Variants in TEK observed in about 807,000 individuals in gnomAD.
TEK encodes angiopoietin-1 receptor.
Under a neutral mutation model 131.8 loss-of-function variants are expected in TEK, and 43 were observed. That is an observed-to-expected ratio of 0.33 (90% confidence interval 0.26 to 0.42). The LOEUF is 0.42. Ranked by LOEUF, TEK falls within the 10% of genes least tolerant of loss-of-function variation. The pLI, the probability that TEK is intolerant of heterozygous loss-of-function variation, is 1.00. For synonymous variants in TEK, 580 were observed against 491.6 expected (o/e 1.18, Z -2.38); for missense variants, 1,162 against 1,384.4 (o/e 0.84, Z 2.55).
At chr9:27,116,711 C>G (rs542693861) in intron 1 of TEK, among the ~76,000 whole-genome samples, 9 of 152,058 alleles carry the variant, frequency 5.9e-5, no homozygotes, top group Non-Finnish European at 1.3e-4. Flanking sequence ...GGCTATATTT[C>G]AAGATTGAAA....
intron 14 of TEK, 24 bp from the exon 15 acceptor site, chr9:27,206,558 A>G (rs1225239743): frequency 6.2e-7 from 1 of 1,606,378 alleles, no homozygotes; most frequent in Admixed American, 1.7e-5. Flanking sequence ...CTGACACAAA[A>G]TGATGAAATA....
intron 21 of TEK, among the ~76,000 whole-genome samples, chr9:27,226,235 A>G (rs187365765): frequency 8.5e-5 from 13 of 152,350 alleles, no homozygotes; most frequent in African/African-American, 3.1e-4. Flanking sequence ...TACTGGGAAT[A>G]TACCCACAGG....
intron 21 of TEK, among the ~76,000 whole-genome samples, chr9:27,223,574 A>C (rs1826179398): frequency 6.6e-6 from 1 of 152,234 alleles, no homozygotes; most frequent in African/African-American, 2.4e-5. Context: ...ACCAGTGAGA[A>C]CAAAGACACA....
intron 19 of TEK, 98 bp downstream of exon 19, chr9:27,217,856 C>T (rs975937313): frequency 9.8e-7 from 1 of 1,016,868 alleles, no homozygotes; most frequent in Non-Finnish European, 1.5e-6. Context: ...TCCTGTAGCT[C>T]TCGGGAACAA....
chr9:27,121,887 G>A (rs1361808617), intron 1 of TEK, among the ~76,000 whole-genome samples: 1 of 152,108 alleles, frequency 6.6e-6, no homozygotes, highest in Non-Finnish European at 1.5e-5. Flanking sequence ...AAGCATTTTG[G>A]GCGTGTAATT....
At chr9:27,138,177 C>G (rs747609207) in intron 1 of TEK, among the ~76,000 whole-genome samples, 1 of 152,218 alleles carries the variant, frequency 6.6e-6, no homozygotes, top group Non-Finnish European at 1.5e-5. Context: ...TGAGCAGCAG[C>G]AAGATTTATT....
intron 1 of TEK, among the ~76,000 whole-genome samples, chr9:27,153,276 G>T (rs954203131): frequency 1.3e-5 from 2 of 150,418 alleles, no homozygotes; most frequent in Non-Finnish European, 3.0e-5. Context: ...GTGAAACCCC[G>T]CCTCTACTAA....
chr9:27,112,280 G>C (rs553376513), intron 1 of TEK, among the ~76,000 whole-genome samples: 18 of 152,302 alleles, frequency 1.2e-4, no homozygotes, highest in Non-Finnish European at 2.4e-4. Flanking sequence ...ACAGTTGTAA[G>C]GTCAGGGAAG....
At chr9:27,213,851 T>G (rs76437405) in intron 18 of TEK, among the ~76,000 whole-genome samples, 2,073 of 152,356 alleles carry the variant, frequency 0.014, 37 homozygotes, top group African/African-American at 0.047. Context: ...CCTAGTGGTT[T>G]GGGGTCTTGG....
chr9:27,167,885 T>A (rs1823793162), intron 2 of TEK, among the ~76,000 whole-genome samples: 1 of 151,726 alleles, frequency 6.6e-6, no homozygotes, highest in Admixed American at 6.6e-5. Context: ...ACTTTAAGAA[T>A]ACTTGGGATT....
At chr9:27,221,271 C>G (rs1435918737) in intron 21 of TEK, among the ~76,000 whole-genome samples, 1 of 152,212 alleles carries the variant, frequency 6.6e-6, no homozygotes, top group Non-Finnish European at 1.5e-5. Flanking sequence ...ACAGCCACAG[C>G]CAGGGGCTTA....
At chr9:27,203,826 A>G (rs915056120) in intron 13 of TEK, among the ~76,000 whole-genome samples, 6 of 152,240 alleles carry the variant, frequency 3.9e-5, no homozygotes, top group African/African-American at 1.4e-4. Flanking sequence ...TTGAAAATTT[A>G]TGATTTGGAT....
intron 1 of TEK, among the ~76,000 whole-genome samples, chr9:27,117,393 A>C (rs1459906886): frequency 1.3e-5 from 2 of 152,172 alleles, no homozygotes; most frequent in African/African-American, 4.8e-5. Context: ...TGATAACCCT[A>C]TTCTTACCCA....
chr9:27,145,214 G>A (rs1294274106), intron 1 of TEK, among the ~76,000 whole-genome samples: 3 of 152,192 alleles, frequency 2.0e-5, no homozygotes, highest in South Asian at 2.1e-4. Flanking sequence ...AGAATTGCTT[G>A]CACGTGCAGA....
chr9:27,218,130 T>TTG (rs9298888), intron 19 of TEK, among the ~76,000 whole-genome samples: 48,350 of 139,530 alleles, frequency 0.35, 10,151 homozygotes, highest in African/African-American at 0.56. Flanking sequence ...GGCCAGACAG[T>TTG]GGCGGGGGTC....
chr9:27,196,910 C>T (rs912796880), intron 11 of TEK, among the ~76,000 whole-genome samples: 15 of 151,388 alleles, frequency 9.9e-5, no homozygotes, highest in Admixed American at 3.3e-4. Flanking sequence ...ATGTGCACAA[C>T]GTGCAGGTTA....
At chr9:27,199,139 T>G (rs1013506745) in intron 12 of TEK, among the ~76,000 whole-genome samples, 4 of 152,350 alleles carry the variant, frequency 2.6e-5, no homozygotes, top group Admixed American at 2.0e-4. Flanking sequence ...AGTATACACA[T>G]GCATACATAT....
At chr9:27,169,278 A>G (rs955176055) in intron 3 of TEK, among the ~76,000 whole-genome samples, 199 bp from the exon 4 acceptor site, 4 of 152,170 alleles carry the variant, frequency 2.6e-5, no homozygotes, top group African/African-American at 9.7e-5. Context: ...AGACTAACCT[A>G]TCTGTTCTAT....
At chr9:27,213,642 T>TC in intron 18 of TEK, 45 bp downstream of exon 18, 2 of 1,416,846 alleles carry the variant, frequency 1.4e-6, no homozygotes, top group Non-Finnish European at 2.0e-6. Flanking sequence ...TCCGAGGTAC[T>TC]CCCCTGTCTC....
Sources: gnomAD v4.1 joint callset for allele counts (sites outside exome capture counted in the v4.1 genomes callset) on GRCh38, gnomAD v4.1.1 for gene constraint, MANE v1.5 for transcripts, NCBI Gene and HGNC (gene_info 2026-07-23, HGNC 2026-07-21) for gene names.